MBNL2: variants seen among roughly 807,000 people sequenced by gnomAD.
MBNL2 encodes muscleblind like splicing regulator 2.
In MBNL2, 17 loss-of-function variants were observed where a neutral mutation model predicts 41.9. The ratio of observed to expected loss-of-function variants is 0.41; its 90% CI spans 0.28 to 0.61. The LOEUF (loss-of-function observed/expected upper bound fraction) is 0.61, where lower values mean the gene tolerates loss of function less well. MBNL2 is among the 20% of genes least tolerant of loss of function. The pLI is 0.35. For missense variants in MBNL2, 336 were observed against 505.6 expected (o/e 0.66, Z 3.22); for synonymous variants, 195 against 182.9 (o/e 1.07, Z -0.53).
At chr13:97,244,900 C>T (rs774578912) in intron 1 of MBNL2, among the ~76,000 whole-genome samples, 5 of 152,150 alleles carry the variant, frequency 3.3e-5, no homozygotes, top group Non-Finnish European at 7.3e-5. Context: ...GAATTATAGA[C>T]TATTCATAAA....
the MBNL2 span, among the ~76,000 whole-genome samples, chr13:97,211,812 T>C: frequency 6.6e-6 from 1 of 152,356 alleles, no homozygotes; most frequent in African/African-American, 2.4e-5. Context: ...AATTTCATTA[T>C]AAAACATAGC....
chr13:97,179,710 T>G, the MBNL2 span: 1 of 152,216 alleles, frequency 6.6e-6, no homozygotes, highest in Non-Finnish European at 1.5e-5. Flanking sequence ...CTCCTAAGAA[T>G]GCTGCTGGGC....
chr13:97,324,412 T>A (rs1566417310), intron 2 of MBNL2, among the ~76,000 whole-genome samples: 1 of 152,152 alleles, frequency 6.6e-6, no homozygotes, highest in Non-Finnish European at 1.5e-5. Context: ...AGGCCTGCCC[T>A]CCCTAGCAGG....
the MBNL2 span, among the ~76,000 whole-genome samples, chr13:97,190,947 T>C: frequency 1.3e-5 from 2 of 152,026 alleles, no homozygotes; most frequent in Non-Finnish European, 2.9e-5. Flanking sequence ...TTCCAGATAA[T>C]AACACTTAAA....
intron 8 of MBNL2, among the ~76,000 whole-genome samples, chr13:97,373,299 T>C (rs1157012259): frequency 6.6e-6 from 1 of 152,118 alleles, no homozygotes; most frequent in Non-Finnish European, 1.5e-5. Flanking sequence ...ACTTTTTGCT[T>C]ACATTCTAAC....
chr13:97,335,036 C>T (rs2060758986), intron 3 of MBNL2, among the ~76,000 whole-genome samples: 1 of 152,180 alleles, frequency 6.6e-6, no homozygotes, highest in African/African-American at 2.4e-5. Context: ...TGACTTAGGT[C>T]TCAACCTGCC....
chr13:97,157,344 G>A, the MBNL2 span, among the ~76,000 whole-genome samples: 1 of 146,672 alleles, frequency 6.8e-6, no homozygotes, highest in Admixed American at 6.8e-5. Context: ...CTGCAAACAG[G>A]GACAAATTGA....
At chr13:97,275,192 AAGAAAG>A (rs1205592448) in intron 1 of MBNL2, among the ~76,000 whole-genome samples, 1 of 152,188 alleles carries the variant, frequency 6.6e-6, no homozygotes, top group East Asian at 1.9e-4. Flanking sequence ...GAACATAAAG[AAGAAAG>A]AGCCCACACT....
chr13:97,293,201 A>T (rs1047677877), intron 2 of MBNL2, among the ~76,000 whole-genome samples: 5 of 152,194 alleles, frequency 3.3e-5, no homozygotes, highest in Non-Finnish European at 7.4e-5. Flanking sequence ...TAAATCTGCT[A>T]CAAAAAATAG....
chr13:97,196,944 T>C, the MBNL2 span, among the ~76,000 whole-genome samples: 6 of 152,180 alleles, frequency 3.9e-5, no homozygotes, highest in Non-Finnish European at 8.8e-5. Context: ...TCTTTGTTAT[T>C]CAGATTGTTT....
intron 3 of MBNL2, among the ~76,000 whole-genome samples, chr13:97,336,556 T>G (rs2060901958): frequency 6.6e-6 from 1 of 152,074 alleles, no homozygotes; most frequent in Non-Finnish European, 1.5e-5. Context: ...CAAGGCAGTG[T>G]GACCACAGAG....
intron 7 of MBNL2, among the ~76,000 whole-genome samples, chr13:97,362,691 C>T (rs9582128): frequency 0.11 from 17,052 of 151,910 alleles, 999 homozygotes; most frequent in East Asian, 0.18. Flanking sequence ...AGTGGCCAGG[C>T]CTGCATTTGG....
chr13:97,222,251 G>T, upstream of MBNL2: 1 of 395,698 alleles, frequency 2.5e-6, no homozygotes, highest in Non-Finnish European at 4.4e-6. Flanking sequence ...GAGTAGGGCT[G>T]ACGAGCTGGC....
In MBNL2 at chr13:97,387,946, C is replaced by A. The variant is rs550018989; in HGVS notation, c.1049-3376C>A. 4.6e-5 allele frequency among the ~76,000 whole-genome samples: 7 copies of A among 152,218 alleles called. No individual in the cohort carries two copies. In the South Asian group the frequency reaches 1.2e-3, roughly 27 times the overall value. On this transcript the variant is annotated intron_variant, in intron 8 of 8. Coordinates refer to ENST00000679496, the MANE Select transcript of MBNL2 (RefSeq NM_001382683.1). ...TCTGACTTACGCATACCCTGGCAGACCCTATGAGTTTTCCACTTCCCTTTC... is the reference window on the plus strand; with the variant it reads ...TCTGACTTACGCATACCCTGGCAGAACCTATGAGTTTTCCACTTCCCTTTC...
intron 1 of MBNL2, among the ~76,000 whole-genome samples, chr13:97,259,730 G>A (rs763424973): frequency 1.4e-4 from 22 of 152,050 alleles, no homozygotes; most frequent in Non-Finnish European, 2.5e-4. Context: ...AAATTGTTGG[G>A]GCCTCTCTGT....
At chr13:97,241,563 T>C (rs2044285029) in intron 1 of MBNL2, among the ~76,000 whole-genome samples, 1 of 152,244 alleles carries the variant, frequency 6.6e-6, no homozygotes, top group Non-Finnish European at 1.5e-5. Flanking sequence ...GTCCTTTCAT[T>C]CAGAGCACTG....
intron 1 of MBNL2, among the ~76,000 whole-genome samples, chr13:97,233,980 C>T (rs566588942): frequency 3.3e-5 from 5 of 152,214 alleles, no homozygotes; most frequent in East Asian, 1.9e-4. Context: ...ACAAAAAATA[C>T]AAATATAAGG....
chr13:97,158,320 A>G, the MBNL2 span, among the ~76,000 whole-genome samples: 1 of 150,424 alleles, frequency 6.6e-6, no homozygotes, highest in African/African-American at 2.4e-5. Context: ...CGGTCTATCA[A>G]TTTTGTTGAT....
At chr13:97,209,905 C>T in the MBNL2 span, among the ~76,000 whole-genome samples, 45 of 152,336 alleles carry the variant, frequency 3.0e-4, no homozygotes, top group Middle Eastern at 3.4e-3. Context: ...AAGCAATTCT[C>T]ATGCCGCAGC....
Sources: gnomAD v4.1 joint callset for allele counts (sites outside exome capture counted in the v4.1 genomes callset) on GRCh38, gnomAD v4.1.1 for gene constraint, MANE v1.5 for transcripts, NCBI Gene and HGNC (gene_info 2026-07-23, HGNC 2026-07-21) for gene names.